AUTS2: variants seen among roughly 807,000 people sequenced by gnomAD.
AUTS2 encodes autism susceptibility gene 2 protein.
AUTS2 carries 17 observed loss-of-function variants against 112.4 expected under a neutral mutation model. The ratio of observed to expected loss-of-function variants is 0.15; its 90% CI spans 0.10 to 0.23. The LOEUF is 0.23. Among genes scored for constraint, AUTS2 ranks in the 10% least tolerant of loss-of-function variants. The pLI is 1.00. For missense variants in AUTS2, 1,510 were observed against 1,701.6 expected, an observed-to-expected ratio of 0.89 and a Z score of 1.98; for synonymous variants, 751 against 702.7, an observed-to-expected ratio of 1.07 and a Z score of -1.09.
chr7:70,068,269 C>G (rs1295381589), intron 2 of AUTS2, among the ~76,000 whole-genome samples: 2 of 151,548 alleles, frequency 1.3e-5, no homozygotes, highest in Admixed American at 1.3e-4. Flanking sequence ...GCTCCCCATC[C>G]CAGGTTCACA....
chr7:69,940,538 G>A (rs941061650), intron 2 of AUTS2, among the ~76,000 whole-genome samples: 6 of 152,112 alleles, frequency 3.9e-5, no homozygotes, highest in Admixed American at 3.3e-4. Context: ...ATGCCACAGG[G>A]GCCAAATCAT....
At chr7:70,310,748 A>G (rs1789709663) in intron 4 of AUTS2, among the ~76,000 whole-genome samples, 1 of 152,180 alleles carries the variant, frequency 6.6e-6, no homozygotes, top group African/African-American at 2.4e-5. Flanking sequence ...ATTTGCAACA[A>G]CATCAGAGAG....
chr7:70,419,069 C>A (rs1208868723), intron 4 of AUTS2, among the ~76,000 whole-genome samples: 1 of 152,082 alleles, frequency 6.6e-6, no homozygotes, highest in African/African-American at 2.4e-5. Context: ...ATGTGACTCA[C>A]CCAAGGTCAC....
chr7:70,388,235 G>A (rs1003907108), intron 4 of AUTS2, among the ~76,000 whole-genome samples: 1 of 152,136 alleles, frequency 6.6e-6, no homozygotes, highest in African/African-American at 2.4e-5. Context: ...AATTGTATGA[G>A]GTGGCGGGGG....
At chr7:69,917,226 A>T (rs1369265413) in intron 2 of AUTS2, among the ~76,000 whole-genome samples, 1 of 150,196 alleles carries the variant, frequency 6.7e-6, no homozygotes, top group Non-Finnish European at 1.5e-5. Context: ...TGGAGGACTC[A>T]CTGTGTTTTC....
At position 69,689,636 on chromosome 7, in the gene AUTS2, G is replaced by A. The variant is rs541081516; in HGVS notation, c.309+89674G>A. Among the ~76,000 whole-genome samples, 4 of 141,186 alleles carry A rather than the reference G, an allele frequency of 2.8e-5. No homozygotes were observed. In the South Asian group the frequency reaches 6.8e-4, roughly 24 times the overall value. The allele number at this position is 141,186 out of a possible 152,430, so 92.6% of individuals were successfully genotyped here. Reference sequence around the variant, plus strand: ...ATTACAGGCGTGAGCCACCGCACCCGGCCTTTTATTTATTTATTTATTTAT... The same window carrying A: ...ATTACAGGCGTGAGCCACCGCACCCAGCCTTTTATTTATTTATTTATTTAT... On this transcript the variant is annotated intron_variant, in intron 1 of 18. Transcript: ENST00000342771.
At chr7:70,573,591 T>C (rs1802039727) in intron 5 of AUTS2, among the ~76,000 whole-genome samples, 1 of 152,204 alleles carries the variant, frequency 6.6e-6, no homozygotes. Flanking sequence ...ATGGGAACAG[T>C]ATTCAGTGGT....
At chr7:70,351,955 G>A (rs1034566884) in intron 4 of AUTS2, among the ~76,000 whole-genome samples, 2 of 151,992 alleles carry the variant, frequency 1.3e-5, no homozygotes, top group African/African-American at 2.4e-5. Flanking sequence ...CACCTGTTTC[G>A]GCCTCCCAAA....
At chr7:69,816,203 A>C (rs1790754560) in intron 1 of AUTS2, among the ~76,000 whole-genome samples, 1 of 152,218 alleles carries the variant, frequency 6.6e-6, no homozygotes, top group African/African-American at 2.4e-5. Flanking sequence ...CTTGGATCTA[A>C]ACCTTTCTGA....
intron 10 of AUTS2, 28 bp from the exon 11 acceptor site, chr7:70,771,521 T>G (rs768444549): frequency 1.3e-6 from 2 of 1,575,242 alleles, no homozygotes. Context: ...CTAAAATCTT[T>G]TTTCCCCCTC....
At chr7:70,452,974 T>C (rs1796593087) in intron 5 of AUTS2, among the ~76,000 whole-genome samples, 1 of 152,096 alleles carries the variant, frequency 6.6e-6, no homozygotes, top group Admixed American at 6.5e-5. Context: ...AAGTATCTTC[T>C]CCAGCCTCCT....
chr7:69,815,322 C>A (rs905689987), intron 1 of AUTS2, among the ~76,000 whole-genome samples: 2 of 151,778 alleles, frequency 1.3e-5, no homozygotes, highest in South Asian at 2.1e-4. Context: ...ATATAGATAT[C>A]TATATATCTA....
Position 70,079,244 on chromosome 7 carries a change from G to T in AUTS2, c.523-38888G>T, listed in dbSNP as rs185567745. Among the ~76,000 whole-genome samples, 4 of 152,282 alleles carry T rather than the reference G, an allele frequency of 2.6e-5. No homozygotes were observed. The East Asian group carries it at 7.7e-4, about 29-fold the overall frequency. ...AAAAGGATTGTACTTTGCTCTGCTG[G>T]AACTGGCTCGTTAACAATTCATAAG... On this transcript the variant is annotated intron_variant, in intron 2 of 18. Coordinates refer to ENST00000342771, the MANE Select transcript of AUTS2 (RefSeq NM_015570.4).
intron 2 of AUTS2, among the ~76,000 whole-genome samples, chr7:70,059,037 A>G (rs915155971): frequency 3.3e-5 from 5 of 152,194 alleles, no homozygotes; most frequent in African/African-American, 1.2e-4. Flanking sequence ...CCCATCTTAC[A>G]TAGTTTACAT....
At chr7:70,242,003 G>T (rs921660139) in intron 4 of AUTS2, among the ~76,000 whole-genome samples, 1 of 152,130 alleles carries the variant, frequency 6.6e-6, no homozygotes, top group African/African-American at 2.4e-5. Flanking sequence ...GTTCAGTTTG[G>T]ATATGGTACA....
intron 2 of AUTS2, among the ~76,000 whole-genome samples, chr7:70,059,777 T>C (rs1275937862): frequency 2.0e-5 from 3 of 152,128 alleles, no homozygotes; most frequent in Non-Finnish European, 4.4e-5. Context: ...TAGGCTTCCT[T>C]AGTGAGGCCA....
intron 4 of AUTS2, among the ~76,000 whole-genome samples, chr7:70,338,601 A>G (rs908235085): frequency 1.4e-4 from 21 of 152,198 alleles, no homozygotes; most frequent in Admixed American, 1.4e-3. Context: ...AAGAAATTCA[A>G]TGATAAACAA....
chr7:70,352,435 C>G (rs572022660), intron 4 of AUTS2, among the ~76,000 whole-genome samples: 1 of 152,168 alleles, frequency 6.6e-6, no homozygotes, highest in South Asian at 2.1e-4. Flanking sequence ...GAAAGTCTGT[C>G]TCATTCATTT....
At chr7:70,284,917 A>T (rs1480147917) in intron 4 of AUTS2, among the ~76,000 whole-genome samples, 2 of 152,202 alleles carry the variant, frequency 1.3e-5, no homozygotes. Flanking sequence ...GCTTTCTGAG[A>T]TGCAGGGATT....
Sources: gnomAD v4.1 joint callset for allele counts (sites outside exome capture counted in the v4.1 genomes callset) on GRCh38, gnomAD v4.1.1 for gene constraint, MANE v1.5 for transcripts, NCBI Gene and HGNC (gene_info 2026-07-23, HGNC 2026-07-21) for gene names.